Variants in GFPT1 observed in about 807,000 individuals in gnomAD.
GFPT1 encodes glutamine--fructose-6-phosphate aminotransferase [isomerizing] 1.
GFPT1 carries 40 observed loss-of-function variants against 92.0 expected under a neutral mutation model. The ratio of observed to expected loss-of-function variants is 0.43; its 90% CI spans 0.34 to 0.57. The LOEUF (loss-of-function observed/expected upper bound fraction) is 0.57. Among genes scored for constraint, GFPT1 ranks in the 20% least tolerant of loss-of-function variants. GFPT1 has a pLI of 0.02. For missense variants in GFPT1, 448 were observed against 869.1 expected (o/e 0.52, Z 6.09); for synonymous variants, 269 against 280.6 (o/e 0.96, Z 0.41).
chr2:69,340,698 G>A (rs1670928967), intron 13 of GFPT1, among the ~76,000 whole-genome samples: 1 of 151,758 alleles, frequency 6.6e-6, no homozygotes, highest in African/African-American at 2.4e-5. Context: ...TGTAAAACAG[G>A]ATAAAATAAA....
chr2:69,374,275 G>A (rs993811166), intron 1 of GFPT1, among the ~76,000 whole-genome samples, 162 bp from the exon 2 acceptor site: 1 of 151,484 alleles, frequency 6.6e-6, no homozygotes, highest in African/African-American at 2.4e-5. Context: ...TTTCTCATAA[G>A]TATAAAAAAC....
chr2:69,380,381 C>T (rs1389071222), intron 1 of GFPT1, among the ~76,000 whole-genome samples: 1 of 152,094 alleles, frequency 6.6e-6, no homozygotes, highest in Non-Finnish European at 1.5e-5. Flanking sequence ...AAATAAATCA[C>T]ACATACAAAA....
intron 2 of GFPT1, among the ~76,000 whole-genome samples, chr2:69,373,666 G>A (rs1196006813): frequency 2.0e-5 from 3 of 152,074 alleles, no homozygotes; most frequent in African/African-American, 7.2e-5. Context: ...GCAAGTTTAT[G>A]TGTCAAAGCA....
chr2:69,387,047 C>G lies in GFPT1; in HGVS notation c.7+18G>C, dbSNP rs1290439517. ...CAGCGCCACCCGGCAACACGCCCCCCGCTCCCGGCCCCCTTACCACACATG... is the reference window on the plus strand; with the variant it reads ...CAGCGCCACCCGGCAACACGCCCCCGGCTCCCGGCCCCCTTACCACACATG... On this transcript the variant is annotated intron_variant, in intron 1 of 19. Transcript: ENST00000357308. 4.6e-6 allele frequency: 7 copies of G among 1,526,734 alleles called. No individual in the cohort carries two copies. Among genetic ancestry groups the G allele is most frequent in the East Asian group, 2.5e-5 (1 of 40,760 alleles). 94.6% of individuals were successfully genotyped at this position (1,526,734 alleles called of 1,614,324 possible).
chr2:69,337,853 A>T, intron 15 of GFPT1, 45 bp downstream of exon 15: 1 of 1,507,604 alleles, frequency 6.6e-7, no homozygotes, highest in Non-Finnish European at 9.2e-7. Context: ...TGCTTCACTG[A>T]CACTATGATT....
intron 15 of GFPT1, among the ~76,000 whole-genome samples, chr2:69,332,976 T>A (rs1445756051): frequency 6.6e-6 from 1 of 152,144 alleles, no homozygotes; most frequent in African/African-American, 2.4e-5. Flanking sequence ...CTTCCCAGCC[T>A]CCAGCTGCTC....
At chr2:69,374,249 C>T in intron 1 of GFPT1, 136 bp from the exon 2 acceptor site, 1 of 526,312 alleles carries the variant, frequency 1.9e-6, no homozygotes. Flanking sequence ...GGCAATGGAA[C>T]TTTTTCAAGG....
At chr2:69,368,601 G>A (rs1018570816) in intron 3 of GFPT1, among the ~76,000 whole-genome samples, 3 of 152,062 alleles carry the variant, frequency 2.0e-5, no homozygotes, top group African/African-American at 2.4e-5. Flanking sequence ...GATGGCACAC[G>A]CCTGGTAATC....
At chr2:69,333,259 A>G (rs1412328741) in intron 15 of GFPT1, among the ~76,000 whole-genome samples, 1 of 152,208 alleles carries the variant, frequency 6.6e-6, no homozygotes, top group East Asian at 1.9e-4. Flanking sequence ...TGATCAGATA[A>G]TGAGTATTCC....
At chr2:69,384,628 A>T (rs1672084628) in intron 1 of GFPT1, among the ~76,000 whole-genome samples, 1 of 146,602 alleles carries the variant, frequency 6.8e-6, no homozygotes, top group Non-Finnish European at 1.5e-5. Flanking sequence ...CCGGAGACAG[A>T]GGCTGCAGTG....
intron 1 of GFPT1, among the ~76,000 whole-genome samples, chr2:69,385,270 G>A (rs1242434915): frequency 6.6e-6 from 1 of 151,922 alleles, no homozygotes; most frequent in Non-Finnish European, 1.5e-5. Context: ...TTTTTACCCA[G>A]GCTGGATTAC....
intron 1 of GFPT1, among the ~76,000 whole-genome samples, chr2:69,384,693 C>CAAAAAAAAAAAAA (rs71964630): frequency 8.4e-5 from 9 of 106,612 alleles, no homozygotes; most frequent in African/African-American, 1.3e-4. Flanking sequence ...GGCCCCGTCA[C>CAAAAAAAAAAAAA]AAAAAAAAAA....
At chr2:69,368,135 G>A (rs1366487369) in intron 3 of GFPT1, among the ~76,000 whole-genome samples, 2 of 152,158 alleles carry the variant, frequency 1.3e-5, no homozygotes, top group Non-Finnish European at 2.9e-5. Flanking sequence ...TGCAATCCCA[G>A]CACTTGGGAG....
intron 1 of GFPT1, among the ~76,000 whole-genome samples, chr2:69,374,887 C>T (rs1671835981): frequency 1.3e-5 from 2 of 152,058 alleles, no homozygotes; most frequent in Non-Finnish European, 1.5e-5. Context: ...TAAATAATTA[C>T]GTAAAATAGT....
At chr2:69,348,451 C>G (rs1671135000) in intron 10 of GFPT1, 117 bp from the exon 11 acceptor site, 3 of 860,188 alleles carry the variant, frequency 3.5e-6, no homozygotes, top group Non-Finnish European at 5.8e-6. Flanking sequence ...TCTGCAGTAT[C>G]TCAGAGAATT....
intron 4 of GFPT1, 99 bp downstream of exon 4, chr2:69,363,446 A>G (rs1423625727): frequency 3.2e-6 from 4 of 1,268,358 alleles, no homozygotes; most frequent in Non-Finnish European, 4.5e-6. Context: ...AATTTTCCAG[A>G]TGAAAAATTA....
chr2:69,367,783 C>T (rs541174775), intron 3 of GFPT1, among the ~76,000 whole-genome samples: 1 of 152,302 alleles, frequency 6.6e-6, no homozygotes, highest in South Asian at 2.1e-4. Flanking sequence ...AAGTATATAT[C>T]CAAGAGTGGA....
At chr2:69,371,941 C>T (rs1241821332) in intron 2 of GFPT1, among the ~76,000 whole-genome samples, 1 of 149,440 alleles carries the variant, frequency 6.7e-6, no homozygotes, top group African/African-American at 2.5e-5. Context: ...GCGGCTCACG[C>T]CTGTAATCCC....
chr2:69,365,388 A>G (rs942306648), intron 3 of GFPT1, among the ~76,000 whole-genome samples: 2 of 151,920 alleles, frequency 1.3e-5, no homozygotes, highest in Admixed American at 1.3e-4. Flanking sequence ...AGGAGAATCA[A>G]TTGAACCCAG....
Sources: gnomAD v4.1 joint callset for allele counts (sites outside exome capture counted in the v4.1 genomes callset) on GRCh38, gnomAD v4.1.1 for gene constraint, MANE v1.5 for transcripts, NCBI Gene and HGNC (gene_info 2026-07-23, HGNC 2026-07-21) for gene names.